The following JMJD1C variants were observed in gnomAD, a reference collection of about 807,000 sequenced individuals.
The protein encoded by JMJD1C is jumonji domain-containing protein 1C.
Under a neutral mutation model 245.3 loss-of-function variants are expected in JMJD1C, and 31 were observed. That is an observed-to-expected ratio of 0.13 (90% CI 0.09 to 0.17). The LOEUF is 0.17. Among genes scored for constraint, JMJD1C ranks in the 10% least tolerant of loss-of-function variants. JMJD1C has a pLI of 1.00. For synonymous variants in JMJD1C, 1,057 were observed against 1,017.4 expected (o/e 1.04, Z -0.74); for missense variants, 2,691 against 3,000.2 (o/e 0.90, Z 2.41).
chr10:63,458,279 T>C (rs1448002353), intron 1 of JMJD1C, among the ~76,000 whole-genome samples: 1 of 151,948 alleles, frequency 6.6e-6, no homozygotes, highest in African/African-American at 2.4e-5. Flanking sequence ...TGAGCCCAGA[T>C]GTTTGAGACC....
At chr10:63,295,495 T>G (rs774740251) in intron 2 of JMJD1C, among the ~76,000 whole-genome samples, 13 of 152,308 alleles carry the variant, frequency 8.5e-5, no homozygotes, top group Non-Finnish European at 1.3e-4. Flanking sequence ...CTTCATTGGC[T>G]GCTTTCTTGC....
chr10:63,186,199 A>AG lies in JMJD1C; in HGVS notation c.6739+15_6739+16insC. 1 of 1,588,012 alleles carries AG rather than the reference A, an allele frequency of 6.3e-7. No homozygotes were observed. Among genetic ancestry groups the AG allele is most frequent in the South Asian group, 1.1e-5 (1 of 88,654 alleles). On this transcript the variant is annotated intron_variant, in intron 19 of 25. Coordinates refer to ENST00000399262, the MANE Select transcript of JMJD1C (RefSeq NM_032776.3). ...GGAGTATGATGGAGAAAATAGTAAA[A>AG]TAAAAACCAACATACTTGAAACTTC...
chr10:63,291,953 ATG>A (rs1013365353), intron 2 of JMJD1C, among the ~76,000 whole-genome samples: 2 of 151,624 alleles, frequency 1.3e-5, no homozygotes, highest in Non-Finnish European at 2.9e-5. Context: ...TGTGTGTTGT[ATG>A]TGTGTGTGTA....
chr10:63,237,194 T>TG (rs2133452649), intron 3 of JMJD1C, among the ~76,000 whole-genome samples: 1 of 152,196 alleles, frequency 6.6e-6, no homozygotes, highest in South Asian at 2.1e-4. Flanking sequence ...CCTGCCACCA[T>TG]GCCCAGCTAA....
intron 1 of JMJD1C, among the ~76,000 whole-genome samples, chr10:63,435,030 G>A (rs1185130047): frequency 1.3e-5 from 2 of 152,174 alleles, no homozygotes; most frequent in Non-Finnish European, 2.9e-5. Context: ...CATTGTCTGC[G>A]AAATAGCCTA....
At chr10:63,225,502 G>A (rs961154788) in intron 3 of JMJD1C, among the ~76,000 whole-genome samples, 1 of 152,052 alleles carries the variant, frequency 6.6e-6, no homozygotes, top group African/African-American at 2.4e-5. Flanking sequence ...GCTACCATAA[G>A]GCCAGGCGCG....
At chr10:63,373,528 A>C (rs1208913360) in intron 2 of JMJD1C, among the ~76,000 whole-genome samples, 3 of 152,236 alleles carry the variant, frequency 2.0e-5, no homozygotes, top group Non-Finnish European at 4.4e-5. Flanking sequence ...AGACAAGATA[A>C]CGTAACTGAT....
chr10:63,389,037 A>C (rs913810945), intron 1 of JMJD1C, among the ~76,000 whole-genome samples: 1 of 152,158 alleles, frequency 6.6e-6, no homozygotes, highest in Non-Finnish European at 1.5e-5. Flanking sequence ...TTAGACCTCA[A>C]TGGAGACCAG....
chr10:63,516,024 C>G (rs986922395), intron 1 of JMJD1C, among the ~76,000 whole-genome samples: 1 of 146,326 alleles, frequency 6.8e-6, no homozygotes, highest in African/African-American at 2.4e-5. Flanking sequence ...GAATATAATA[C>G]CTTTATCTAT....
chr10:63,274,792 T>C (rs1243385553), intron 2 of JMJD1C, among the ~76,000 whole-genome samples: 1 of 152,198 alleles, frequency 6.6e-6, no homozygotes, highest in Non-Finnish European at 1.5e-5. Context: ...CAAGGCACCA[T>C]GCTTTGGGCC....
chr10:63,305,553 G>A (rs1289791366), intron 2 of JMJD1C, among the ~76,000 whole-genome samples: 1 of 140,380 alleles, frequency 7.1e-6, no homozygotes, highest in Non-Finnish European at 1.5e-5. Context: ...TGTCAGCCTC[G>A]ACTTCCCAGG....
intron 1 of JMJD1C, among the ~76,000 whole-genome samples, chr10:63,426,069 G>T (rs1950421370): frequency 6.6e-6 from 1 of 152,116 alleles, no homozygotes. Context: ...AAAAGGATGT[G>T]ACACAATGCA....
chr10:63,189,321 A>T lies in JMJD1C; in HGVS notation c.6417T>A (p.Pro2139=), dbSNP rs1348680427. 1 of 1,613,864 alleles carries T rather than the reference A, an allele frequency of 6.2e-7. No homozygotes were observed. Among genetic ancestry groups the T allele is most frequent in the Admixed American group, 1.7e-5 (1 of 60,008 alleles). ...CCACTGCAGATATTATGCTTTCTTC[A>T]GGCTCTTCTTTAAGCTCTGGTTTTA... is the stretch of plus-strand genomic sequence containing the variant. ...INVKPELKEE[P]EESIISAVDE... is the part of the protein sequence containing the mutation. Residue 2139 remains proline, a synonymous_variant, in exon 18 of 26, where the codon CCT becomes CCA. Coordinates refer to ENST00000399262, the MANE Select transcript of JMJD1C (RefSeq NM_032776.3).
chr10:63,214,180 C>T lies in JMJD1C; in HGVS notation c.1987G>A (p.Val663Met). Residue 663 changes from valine to methionine, a missense_variant, in exon 8 of 26, where the codon GTG becomes ATG. This residue lies in a region of JMJD1C where 1,562 missense variants were observed against 1,490.7 expected (regional missense o/e 1.05). Transcript: ENST00000399262. The stretch of plus-strand genomic sequence containing the variant: ...CTTTCACCAGTAGCTTGGCTGTTCA[C>T]ATAAGTGGCCTTAGACTTTACAGAA... ...PDSVKSKATY[V>M]NSQATGERRL... The T allele has an allele frequency of 6.2e-7, 1 of 1,614,122 alleles. No individual in the cohort carries two copies. Among genetic ancestry groups the T allele is most frequent in the Non-Finnish European group, 8.5e-7 (1 of 1,180,034 alleles).
rs564953116 is a variant in JMJD1C at position 63,399,759 on chromosome 10, C to T, written c.169-19277G>A. On this transcript the variant is annotated intron_variant, in intron 1 of 25. Coordinates refer to ENST00000399262, the MANE Select transcript of JMJD1C (RefSeq NM_032776.3). ...CCACTTAGGCTTCTGTTTCATTTTG[C>T]TTTTCCTTTTAGGATTTTTTTTTTT... Among the ~76,000 whole-genome samples the T allele has an allele frequency of 6.0e-5, 9 of 150,642 alleles. No homozygotes were observed. In the South Asian group the frequency reaches 1.7e-3, roughly 28 times the overall value.
chr10:63,194,240 TG>T, intron 14 of JMJD1C, 45 bp downstream of exon 14: 1 of 1,191,836 alleles, frequency 8.4e-7, no homozygotes, highest in Non-Finnish European at 1.3e-6. Flanking sequence ...TTCCTTAATC[TG>T]GAGCAACCAA....
intron 2 of JMJD1C, among the ~76,000 whole-genome samples, chr10:63,360,982 T>C (rs1296015404): frequency 6.6e-6 from 1 of 152,170 alleles, no homozygotes; most frequent in Non-Finnish European, 1.5e-5. Flanking sequence ...ATACTTTCAA[T>C]TGTTTTCCAT....
intron 8 of JMJD1C, among the ~76,000 whole-genome samples, chr10:63,211,493 C>A (rs924837407): frequency 6.7e-6 from 1 of 149,326 alleles, no homozygotes; most frequent in East Asian, 2.0e-4. Context: ...GTTTATCTAT[C>A]ACAACTTGGG....
intron 3 of JMJD1C, among the ~76,000 whole-genome samples, chr10:63,243,103 T>TTATATATATATATATATATATA (rs10607355): frequency 0.01 from 1,250 of 119,444 alleles, 22 homozygotes; most frequent in African/African-American, 0.018. Flanking sequence ...CTAACATAAA[T>TTATATATATATATATATATATA]TATATATATA....
Sources: gnomAD v4.1 joint callset for allele counts (sites outside exome capture counted in the v4.1 genomes callset) on GRCh38, gnomAD v4.1.1 for gene constraint, gnomAD v4.1.1 regional missense constraint, MANE v1.5 for transcripts, NCBI Gene and HGNC (gene_info 2026-07-23, HGNC 2026-07-21) for gene names.